Variants in HUS1 observed in about 807,000 individuals in gnomAD.
HUS1 encodes the protein HUS1 checkpoint clamp component, also known as checkpoint protein HUS1.
A neutral mutation model predicts 32.6 loss-of-function variants in HUS1; 31 were observed. That is an observed-to-expected ratio of 0.95 (90% CI 0.72 to 1.28). HUS1 has a LOEUF of 1.28. HUS1 is among the 50% of genes most tolerant of loss of function. The pLI is 0.00. For synonymous variants in HUS1, 123 were observed against 116.6 expected (o/e 1.06, Z -0.36); for missense variants, 340 against 337.7 (o/e 1.01, Z -0.05).
intron 3 of HUS1, among the ~76,000 whole-genome samples, chr7:47,977,404 C>A (rs546340209): frequency 1.3e-5 from 2 of 152,334 alleles, no homozygotes; most frequent in African/African-American, 4.8e-5. Context: ...AGTTAAAAGG[C>A]AAACTATATT....
Position 47,967,865 on chromosome 7 carries a change from A to G in HUS1, c.701T>C (p.Ile234Thr), listed in dbSNP as rs772175797. The part of the protein sequence containing the change: ...VEHMAEVHID[I>T]RKLLQFLAGQ... The stretch of plus-strand genomic sequence containing the variant: ...AGCAAGAAACTGTAGGAGCTTCCTA[A>G]TATCTATGTGCACTTCAGCCATGTG... Residue 234 changes from isoleucine (I) to threonine (T), a missense_variant, in exon 7 of 8, where the codon ATT becomes ACT. Transcript: ENST00000258774. The G allele has an allele frequency of 2.5e-6, 4 of 1,613,892 alleles. No homozygotes were observed. Among genetic ancestry groups the G allele is most frequent in the East Asian group, 4.5e-5 (2 of 44,892 alleles).
At chr7:47,972,145 T>A (rs1788612743) in intron 5 of HUS1, among the ~76,000 whole-genome samples, 2 of 152,248 alleles carry the variant, frequency 1.3e-5, no homozygotes, top group Admixed American at 6.5e-5. Context: ...TCTTTGTGAA[T>A]ATGCTAGACT....
intron 5 of HUS1, among the ~76,000 whole-genome samples, chr7:47,974,010 C>G (rs1480513182): frequency 6.6e-6 from 1 of 152,198 alleles, no homozygotes; most frequent in African/African-American, 2.4e-5. Flanking sequence ...GTGCACACTG[C>G]TTCATGGAAA....
intron 5 of HUS1, among the ~76,000 whole-genome samples, chr7:47,972,397 T>A (rs1788616982): frequency 6.6e-6 from 1 of 152,228 alleles, no homozygotes; most frequent in South Asian, 2.1e-4. Flanking sequence ...AACTCCCTCC[T>A]AACCATTAAC....
intron 4 of HUS1, chr7:47,976,322 C>T (rs1403953073): frequency 2.2e-6 from 1 of 458,188 alleles, no homozygotes. Flanking sequence ...ATCGGCATGA[C>T]CGTTACCCCA....
chr7:47,969,354 G>C (rs749791039), intron 5 of HUS1, 36 bp from the exon 6 acceptor site: 4 of 1,231,028 alleles, frequency 3.2e-6, no homozygotes, highest in African/African-American at 1.5e-5. Flanking sequence ...CTTAGAAAAG[G>C]AAGCCAAAAG....
rs543010554 is a variant in HUS1, at chr7:47,967,702, T to G, written c.760+104A>C. The G allele has an allele frequency of 5.9e-6, 6 of 1,018,166 alleles. 1 individual carries two copies. In the South Asian group the frequency reaches 1.3e-4, roughly 22 times the overall value. The allele number at this position is 1,018,166 out of a possible 1,614,324, so 63.1% of individuals were successfully genotyped here. On this transcript the variant is annotated intron_variant, in intron 7 of 7. Transcript: ENST00000258774. ...GTCCACATAATTGAGCTTTTTTTTT[T>G]TTTTTTGGATTTATGAGACTATATG...
chr7:47,965,491 G>A, intron 7 of HUS1, 53 bp from the exon 8 acceptor site: 4 of 1,304,222 alleles, frequency 3.1e-6, no homozygotes, highest in South Asian at 2.4e-5. Context: ...CACACATTTT[G>A]ATCTCTACTT....
At chr7:47,970,649 G>A (rs1047811025) in intron 5 of HUS1, among the ~76,000 whole-genome samples, 7 of 152,070 alleles carry the variant, frequency 4.6e-5, no homozygotes, top group African/African-American at 9.7e-5. Flanking sequence ...TGAAGAGTTC[G>A]GCCCACATAT....
intron 5 of HUS1, chr7:47,971,632 T>C: frequency 2.2e-6 from 1 of 448,672 alleles, no homozygotes; most frequent in Non-Finnish European, 4.5e-6. Context: ...TTATTTCTCT[T>C]TTTGATGTTG....
intron 3 of HUS1, among the ~76,000 whole-genome samples, chr7:47,978,104 A>G (rs1788744199): frequency 8.8e-6 from 1 of 114,236 alleles, no homozygotes; most frequent in South Asian, 3.3e-4. Flanking sequence ...GGGAGAAAAC[A>G]TGTCAAAGGT....
In HUS1 at chr7:47,979,575, C is replaced by A; in HGVS notation, c.-56G>T. The A allele has an allele frequency of 7.4e-7, 1 of 1,345,864 alleles. No homozygotes were observed. Among genetic ancestry groups the A allele is most frequent in the Non-Finnish European group, 1.1e-6 (1 of 943,684 alleles). The allele number at this position is 1,345,864 out of a possible 1,614,324, so 83.4% of individuals were successfully genotyped here. ...CTGTGGGTAACAGAAAAGCGTCGCG[C>A]CCTGAGTGTCCCCGCCCGGAAACAC... is the stretch of plus-strand genomic sequence containing the variant. On this transcript the variant is annotated 5_prime_UTR_variant, in exon 1 of 8. Coordinates refer to ENST00000258774, the MANE Select transcript of HUS1 (RefSeq NM_004507.4).
At chr7:47,969,655 G>C (rs1000866370) in intron 5 of HUS1, among the ~76,000 whole-genome samples, 1 of 152,142 alleles carries the variant, frequency 6.6e-6, no homozygotes, top group Non-Finnish European at 1.5e-5. Context: ...GGGCTGGGTG[G>C]AGCTGATGAG....
chr7:47,970,719 G>A (rs1178679292), intron 5 of HUS1, among the ~76,000 whole-genome samples: 1 of 152,168 alleles, frequency 6.6e-6, no homozygotes, highest in Admixed American at 6.5e-5. Flanking sequence ...CAATTGGATT[G>A]AAAGAAAAAT....
At chr7:47,969,175 A>C in intron 6 of HUS1, 44 bp downstream of exon 6, 1 of 950,472 alleles carries the variant, frequency 1.1e-6, no homozygotes, top group Non-Finnish European at 1.7e-6. Flanking sequence ...TATCTGAAAC[A>C]ATTAACTTAT....
chr7:47,964,944 G>C lies in HUS1; in HGVS notation c.*412C>G, dbSNP rs1788447130. ...GCGGGGTGAACACACTGAAATGCAA[G>C]ACTGACTGTGCGCTACAGGCCGTGC... is the stretch of plus-strand genomic sequence containing the variant. On this transcript the variant is annotated 3_prime_UTR_variant, in exon 8 of 8. Transcript: ENST00000258774. The C allele has an allele frequency of 5.9e-6, 1 of 169,316 alleles. No homozygotes were observed. The highest frequency in any genetic ancestry group is 5.8e-5 in the Admixed American group (1 of 17,344). The allele number at this position is 169,316 out of a possible 1,614,324, so 10.5% of individuals were successfully genotyped here.
intron 4 of HUS1, among the ~76,000 whole-genome samples, chr7:47,976,007 G>A (rs910472625): frequency 3.3e-5 from 5 of 152,120 alleles, no homozygotes; most frequent in Non-Finnish European, 7.4e-5. Context: ...TGGTCCAGGG[G>A]GAATATAACT....
At chr7:47,973,270 C>T (rs750342774) in intron 5 of HUS1, among the ~76,000 whole-genome samples, 2 of 152,204 alleles carry the variant, frequency 1.3e-5, no homozygotes, top group African/African-American at 2.4e-5. Context: ...GCACACATCA[C>T]AAAGTACTGC....
At chr7:47,966,448 C>A (rs1474210273) in intron 7 of HUS1, among the ~76,000 whole-genome samples, 3 of 152,204 alleles carry the variant, frequency 2.0e-5, no homozygotes, top group African/African-American at 7.2e-5. Context: ...TCCTCAACAG[C>A]CTTGGATTCA....
Sources: gnomAD v4.1 joint callset for allele counts (sites outside exome capture counted in the v4.1 genomes callset) on GRCh38, gnomAD v4.1.1 for gene constraint, MANE v1.5 for transcripts, NCBI Gene and HGNC (gene_info 2026-07-23, HGNC 2026-07-21) for gene names.